The following MACROD2 variants were observed in gnomAD, a reference collection of about 807,000 sequenced individuals.
MACROD2 encodes the protein ADP-ribose glycohydrolase MACROD2.
Under a neutral mutation model 70.4 loss-of-function variants are expected in MACROD2, and 36 were observed. The ratio of observed to expected loss-of-function variants is 0.51; its 90% CI spans 0.39 to 0.68. The LOEUF is 0.68. Ranked by LOEUF, MACROD2 falls within the 30% of genes least tolerant of loss-of-function variation. MACROD2 has a pLI of 0.00. For missense variants in MACROD2, 496 were observed against 538.4 expected (o/e 0.92, Z 0.78); for synonymous variants, 172 against 178.8 (o/e 0.96, Z 0.30).
At chr20:15,812,056 C>T (rs2063826768) in intron 8 of MACROD2, among the ~76,000 whole-genome samples, 1 of 152,132 alleles carries the variant, frequency 6.6e-6, no homozygotes, top group Non-Finnish European at 1.5e-5. Context: ...GTATTGTAAC[C>T]CCAAATGTCT....
In MACROD2 at chr20:15,361,756, C is replaced by A. The variant is rs541222944; in HGVS notation, c.541-69649C>A. On this transcript the variant is annotated intron_variant, in intron 6 of 17. Transcript: ENST00000684519. Reference sequence around the variant, plus strand: ...TTCATTGGTGTTTTATAGTTTTCAGCACAGAAGTCCTGTATATATTTTATT... The same window carrying A: ...TTCATTGGTGTTTTATAGTTTTCAGAACAGAAGTCCTGTATATATTTTATT... 3.3e-5 allele frequency among the ~76,000 whole-genome samples: 5 copies of A among 152,094 alleles called. No individual in the cohort carries two copies. The East Asian group carries it at 5.8e-4, about 18-fold the overall frequency.
At chr20:15,482,803 T>C (rs891274697) in intron 7 of MACROD2, among the ~76,000 whole-genome samples, 1 of 152,174 alleles carries the variant, frequency 6.6e-6, no homozygotes, top group Non-Finnish European at 1.5e-5. Flanking sequence ...TTAATTTGCA[T>C]TTCTCTTATG....
At chr20:14,057,332 A>G (rs2053642063) in intron 2 of MACROD2, among the ~76,000 whole-genome samples, 1 of 152,202 alleles carries the variant, frequency 6.6e-6, no homozygotes, top group South Asian at 2.1e-4. Context: ...TAAGAGAAAA[A>G]CAAAACAGTA....
At chr20:14,811,903 G>A (rs76322252) in intron 5 of MACROD2, among the ~76,000 whole-genome samples, 1 of 152,066 alleles carries the variant, frequency 6.6e-6, no homozygotes, top group African/African-American at 2.4e-5. Flanking sequence ...AGTTAGAATG[G>A]CGATCATTAA....
intron 5 of MACROD2, among the ~76,000 whole-genome samples, chr20:14,916,355 G>C (rs1293814037): frequency 2.0e-5 from 3 of 152,164 alleles, no homozygotes; most frequent in Non-Finnish European, 4.4e-5. Flanking sequence ...TACGGTGAGG[G>C]TAGGGGTGGG....
intron 8 of MACROD2, among the ~76,000 whole-genome samples, chr20:15,809,736 G>A (rs1336304451): frequency 2.0e-5 from 3 of 152,194 alleles, no homozygotes; most frequent in East Asian, 1.9e-4. Flanking sequence ...AATTTGGAAA[G>A]GTCAAGCATC....
At chr20:15,005,333 G>A (rs959416478) in intron 5 of MACROD2, among the ~76,000 whole-genome samples, 1 of 152,054 alleles carries the variant, frequency 6.6e-6, no homozygotes. Context: ...CCCTTAAAAA[G>A]CCCAAGGCAT....
At position 15,365,739 on chromosome 20, in the gene MACROD2, CAA is replaced by C. The variant is rs199788821; in HGVS notation, c.541-65663_541-65662del. 1.5e-3 allele frequency among the ~76,000 whole-genome samples: 225 copies of C among 151,250 alleles called. 2 individuals are homozygous for C. Among genetic ancestry groups the C allele is most frequent in the Admixed American group, 8.8e-3 (134 of 15,190 alleles). ...ATCTTATGCTAATTTTTAATTATAT[CAA>C]AAGAGTTTTTAAATTTGATTTGATA... On this transcript the variant is annotated intron_variant, in intron 6 of 17. Coordinates refer to ENST00000684519, the MANE Select transcript of MACROD2 (RefSeq NM_001351661.2).
intron 6 of MACROD2, among the ~76,000 whole-genome samples, chr20:15,341,825 A>T (rs192561331): frequency 4.7e-4 from 71 of 152,296 alleles, no homozygotes; most frequent in Non-Finnish European, 5.9e-5. Flanking sequence ...CCAAGGAGAG[A>T]GAATGGCTTG....
chr20:14,999,607 C>A (rs2074977090), intron 5 of MACROD2, among the ~76,000 whole-genome samples: 1 of 152,110 alleles, frequency 6.6e-6, no homozygotes, highest in African/African-American at 2.4e-5. Context: ...TGCTCCCCAA[C>A]CTGGGTGGCA....
chr20:14,216,827 A>G (rs148411588), intron 3 of MACROD2, among the ~76,000 whole-genome samples: 2 of 152,198 alleles, frequency 1.3e-5, no homozygotes, highest in African/African-American at 2.4e-5. Flanking sequence ...GTTGGTGTAT[A>G]GAAGAGCTAC....
intron 8 of MACROD2, among the ~76,000 whole-genome samples, chr20:15,648,993 T>C (rs2049596092): frequency 6.6e-6 from 1 of 152,022 alleles, no homozygotes; most frequent in Admixed American, 6.6e-5. Context: ...AGCCTCAGAA[T>C]AGCTTGTTTT....
intron 5 of MACROD2, among the ~76,000 whole-genome samples, chr20:14,717,492 C>T (rs190948035): frequency 6.6e-6 from 1 of 150,772 alleles, no homozygotes; most frequent in Non-Finnish European, 1.5e-5. Context: ...CTTTTTATTA[C>T]CAAGTTATTA....
chr20:14,055,743 GTTT>G (rs4052957), intron 2 of MACROD2, among the ~76,000 whole-genome samples: 9 of 146,090 alleles, frequency 6.2e-5, no homozygotes, highest in Non-Finnish European at 7.6e-5. Context: ...GATCAGTACT[GTTT>G]TTTTTTTTTT....
chr20:15,145,944 G>A (rs1193511397), intron 5 of MACROD2, among the ~76,000 whole-genome samples: 1 of 151,788 alleles, frequency 6.6e-6, no homozygotes, highest in Non-Finnish European at 1.5e-5. Context: ...ATGCTTTCAG[G>A]CATAAACATA....
chr20:15,036,232 T>C (rs1568542708), intron 5 of MACROD2, among the ~76,000 whole-genome samples: 2 of 152,168 alleles, frequency 1.3e-5, no homozygotes, highest in Non-Finnish European at 1.5e-5. Context: ...TCTTCCTGGA[T>C]TGGTGCTATC....
intron 5 of MACROD2, among the ~76,000 whole-genome samples, chr20:14,992,669 A>C (rs1288620295): frequency 6.6e-6 from 1 of 150,630 alleles, no homozygotes; most frequent in Non-Finnish European, 1.5e-5. Flanking sequence ...GACATGATTT[A>C]ATAGCCTTTT....
chr20:14,415,302 C>T (rs2083791773), intron 3 of MACROD2, among the ~76,000 whole-genome samples: 1 of 152,000 alleles, frequency 6.6e-6, no homozygotes, highest in South Asian at 2.1e-4. Flanking sequence ...TTTTTACTGC[C>T]AACTTTCATT....
chr20:14,688,867 A>C (rs1223875535), intron 5 of MACROD2, among the ~76,000 whole-genome samples: 2 of 152,206 alleles, frequency 1.3e-5, no homozygotes, highest in African/African-American at 2.4e-5. Flanking sequence ...GGATCAGACG[A>C]GTGAATTATT....
Sources: gnomAD v4.1 joint callset for allele counts (sites outside exome capture counted in the v4.1 genomes callset) on GRCh38, gnomAD v4.1.1 for gene constraint, MANE v1.5 for transcripts, NCBI Gene and HGNC (gene_info 2026-07-23, HGNC 2026-07-21) for gene names.